The following BLTP3A variants were observed in gnomAD, a reference collection of about 807,000 sequenced individuals.
The protein encoded by BLTP3A is ICBP90 binding protein 1.
chr6:34,815,797 C>G, the BLTP3A span, among the ~76,000 whole-genome samples: 60 of 152,010 alleles, frequency 3.9e-4, no homozygotes, highest in African/African-American at 1.4e-3. Context: ...CATGCCTCAC[C>G]ATGGCCCGGC....
the BLTP3A span, among the ~76,000 whole-genome samples, chr6:34,839,721 C>G: frequency 6.6e-6 from 1 of 152,232 alleles, no homozygotes; most frequent in Non-Finnish European, 1.5e-5. Context: ...CTCTCTCGCA[C>G]TGGCCCGGCT....
chr6:34,803,589 C>A, the BLTP3A span, among the ~76,000 whole-genome samples: 1 of 152,186 alleles, frequency 6.6e-6, no homozygotes, highest in Non-Finnish European at 1.5e-5. Flanking sequence ...AATAAATAAC[C>A]AGATCTAATT....
the BLTP3A span, chr6:34,875,487 C>T: frequency 2.0e-5 from 3 of 152,110 alleles, no homozygotes; most frequent in Non-Finnish European, 2.9e-5. Context: ...AAAGAAATGT[C>T]GAATAGGCAT....
At chr6:34,837,528 A>G in the BLTP3A span, among the ~76,000 whole-genome samples, 2 of 151,606 alleles carry the variant, frequency 1.3e-5, no homozygotes, top group Admixed American at 1.3e-4. Flanking sequence ...TTAAAAAAAA[A>G]TTAGCCAGGT....
chr6:34,859,610 T>G, the BLTP3A span: 1 of 1,601,844 alleles, frequency 6.2e-7, no homozygotes, highest in Non-Finnish European at 8.5e-7. Flanking sequence ...TCCCATCTCC[T>G]TCTCCTAGTT....
the BLTP3A span, among the ~76,000 whole-genome samples, chr6:34,864,837 A>G: frequency 6.6e-6 from 1 of 152,056 alleles, no homozygotes; most frequent in Non-Finnish European, 1.5e-5. Context: ...GCTTAGCGGC[A>G]GGTGCTTGTA....
At chr6:34,834,610 C>A in the BLTP3A span, 1 of 1,443,318 alleles carries the variant, frequency 6.9e-7, no homozygotes, top group Non-Finnish European at 9.4e-7. Context: ...GGTGGGATCC[C>A]AACTGAGAGT....
At chr6:34,799,787 AT>A in the BLTP3A span, among the ~76,000 whole-genome samples, 1 of 152,244 alleles carries the variant, frequency 6.6e-6, no homozygotes, top group Non-Finnish European at 1.5e-5. Context: ...AGGATTAGAA[AT>A]AATGTATAAA....
chr6:34,794,302 C>G, the BLTP3A span, among the ~76,000 whole-genome samples: 1 of 151,926 alleles, frequency 6.6e-6, no homozygotes, highest in African/African-American at 2.4e-5. Context: ...TCTCATGTAC[C>G]CCATAAATAT....
the BLTP3A span, chr6:34,821,403 T>C: frequency 5.1e-6 from 2 of 395,614 alleles, no homozygotes; most frequent in Non-Finnish European, 9.2e-6. Flanking sequence ...ACCTAACATC[T>C]TATATGGTGT....
At chr6:34,859,546 A>C in the BLTP3A span, 2 of 1,613,986 alleles carry the variant, frequency 1.2e-6, no homozygotes, top group Non-Finnish European at 1.7e-6. Context: ...CACCATGCAC[A>C]AGATGTTGTC....
the BLTP3A span, among the ~76,000 whole-genome samples, chr6:34,864,980 A>C: frequency 1.2e-4 from 18 of 152,116 alleles, no homozygotes; most frequent in Non-Finnish European, 2.4e-4. Flanking sequence ...AAAAGAGAGA[A>C]TGTCCTATTT....
the BLTP3A span, among the ~76,000 whole-genome samples, chr6:34,794,116 C>T: frequency 6.6e-6 from 1 of 151,280 alleles, no homozygotes; most frequent in African/African-American, 2.4e-5. Flanking sequence ...GCCAAGATTT[C>T]GCCACAGCAC....
the BLTP3A span, among the ~76,000 whole-genome samples, chr6:34,819,939 G>A: frequency 6.6e-6 from 1 of 152,196 alleles, no homozygotes; most frequent in Non-Finnish European, 1.5e-5. Flanking sequence ...TCTGTCCTCA[G>A]TATTTCCTTC....
the BLTP3A span, among the ~76,000 whole-genome samples, chr6:34,804,864 A>G: frequency 6.6e-6 from 1 of 152,200 alleles, no homozygotes; most frequent in East Asian, 1.9e-4. Context: ...CAGATTTTGA[A>G]TCTTAGCTCT....
the BLTP3A span, chr6:34,855,760 A>G: frequency 3.7e-6 from 6 of 1,608,396 alleles, no homozygotes; most frequent in South Asian, 1.1e-5. Context: ...TTGAGGGCAG[A>G]TTCCTGGATT....
chr6:34,870,289 A>G, the BLTP3A span, among the ~76,000 whole-genome samples: 2 of 152,302 alleles, frequency 1.3e-5, no homozygotes, highest in African/African-American at 4.8e-5. Context: ...TCATTAGGGT[A>G]GGCACAACTT....
chr6:34,874,743 T>C, the BLTP3A span: 1 of 152,256 alleles, frequency 6.6e-6, no homozygotes, highest in Non-Finnish European at 1.5e-5. Context: ...AAAAGCCTAA[T>C]TGCCCTGTGG....
the BLTP3A span, chr6:34,858,759 G>A: frequency 3.7e-6 from 6 of 1,614,178 alleles, no homozygotes; most frequent in Non-Finnish European, 5.1e-6. Context: ...GTAGTGGTAT[G>A]GACAACAAAG....
Sources: allele counts gnomAD v4.1 joint callset (sites outside exome capture counted in the v4.1 genomes callset), GRCh38; gene constraint gnomAD v4.1.1; transcripts MANE v1.5; gene names NCBI Gene and HGNC (gene_info 2026-07-23, HGNC 2026-07-21).